MRPS28: variants seen among roughly 807,000 people sequenced by gnomAD.
The protein encoded by MRPS28 is mitochondrial ribosomal protein S28.
MRPS28 carries 7 observed loss-of-function variants against 10.8 expected under a neutral mutation model. That is an observed-to-expected ratio of 0.65 (90% CI 0.37 to 1.22). The LOEUF (loss-of-function observed/expected upper bound fraction) is 1.22, where lower values mean the gene tolerates loss of function less well. Among genes scored for constraint, MRPS28 ranks in the 50% most tolerant of loss-of-function variants. MRPS28 has a pLI of 0.02. For synonymous variants in MRPS28, 121 were observed against 93.3 expected (o/e 1.30, Z -1.71); for missense variants, 265 against 232.9 (o/e 1.14, Z -0.90).
chr8:80,018,235 G>T (rs1261800614), intron 1 of MRPS28, among the ~76,000 whole-genome samples: 3 of 130,384 alleles, frequency 2.3e-5, no homozygotes, highest in African/African-American at 5.9e-5. Context: ...GGCAGAGCTC[G>T]CAGTGAGCCG....
intron 2 of MRPS28, among the ~76,000 whole-genome samples, chr8:79,958,993 T>C (rs931548908): frequency 6.6e-6 from 1 of 152,124 alleles, no homozygotes; most frequent in Non-Finnish European, 1.5e-5. Context: ...AGATTATCTA[T>C]AAATTAGTGG....
chr8:79,943,944 G>C (rs1806835297), intron 2 of MRPS28, among the ~76,000 whole-genome samples: 1 of 152,118 alleles, frequency 6.6e-6, no homozygotes, highest in African/African-American at 2.4e-5. Context: ...ATAGGGAATA[G>C]TTCATTTTAG....
chr8:80,022,530 A>G lies in MRPS28; in HGVS notation c.213+7506T>C, dbSNP rs554828888. Among the ~76,000 whole-genome samples the G allele has an allele frequency of 9.8e-5, 15 of 152,346 alleles. No homozygotes were observed. The East Asian group carries it at 2.9e-3, about 29-fold the overall frequency. ...TGGCCAGAGGCCAGGCAACTTGTTC[A>G]GCTGCCAACTCCTAGACTGAGTCCA... On this transcript the variant is annotated intron_variant, in intron 1 of 2. Coordinates refer to ENST00000276585, the MANE Select transcript of MRPS28 (RefSeq NM_014018.3).
At position 80,030,259 on chromosome 8, in the gene MRPS28, C is replaced by T. The variant is rs1260626926; in HGVS notation, c.-11G>A. ...ACACAGCGCCGCCATGACTTCTTTACCTCTGACCTTTGACCTCCCCTCCGC... is the reference window on the plus strand; with the variant it reads ...ACACAGCGCCGCCATGACTTCTTTATCTCTGACCTTTGACCTCCCCTCCGC... On this transcript the variant is annotated 5_prime_UTR_variant, in exon 1 of 3. Coordinates refer to ENST00000276585, the MANE Select transcript of MRPS28 (RefSeq NM_014018.3). 1.2e-6 allele frequency: 2 copies of T among 1,614,036 alleles called. No homozygotes were observed. Among genetic ancestry groups the T allele is most frequent in the Non-Finnish European group, 8.5e-7 (1 of 1,179,974 alleles).
chr8:80,018,165 C>T (rs144146536), intron 1 of MRPS28, among the ~76,000 whole-genome samples: 1,636 of 151,822 alleles, frequency 0.011, 36 homozygotes, highest in African/African-American at 0.037. Context: ...TGGTGGCAGG[C>T]GCCTGTAGTC....
intron 1 of MRPS28, among the ~76,000 whole-genome samples, chr8:80,003,564 C>T (rs1049341608): frequency 6.6e-6 from 1 of 152,162 alleles, no homozygotes; most frequent in East Asian, 1.9e-4. Flanking sequence ...CAGCTCCCAG[C>T]GTGAGTGACC....
intron 2 of MRPS28, among the ~76,000 whole-genome samples, chr8:80,002,258 A>G (rs1313521747): frequency 1.3e-5 from 2 of 152,166 alleles, no homozygotes; most frequent in Non-Finnish European, 2.9e-5. Context: ...TATCTAAAAT[A>G]CCATTGATTA....
At chr8:79,983,723 A>G (rs1215257221) in intron 2 of MRPS28, among the ~76,000 whole-genome samples, 2 of 152,168 alleles carry the variant, frequency 1.3e-5, no homozygotes, top group African/African-American at 4.8e-5. Flanking sequence ...AAGTTTAGAG[A>G]AAAAAGAATA....
At chr8:80,005,641 C>G (rs1808817679) in intron 1 of MRPS28, among the ~76,000 whole-genome samples, 1 of 152,136 alleles carries the variant, frequency 6.6e-6, no homozygotes, top group South Asian at 2.1e-4. Flanking sequence ...ACAATACTAA[C>G]CTTAAATGTA....
intron 2 of MRPS28, among the ~76,000 whole-genome samples, chr8:79,959,983 C>T (rs1807332370): frequency 6.6e-6 from 1 of 152,050 alleles, no homozygotes; most frequent in African/African-American, 2.4e-5. Flanking sequence ...CGGATTATTC[C>T]CAAACCTCAA....
At chr8:80,020,915 T>C (rs1009333669) in intron 1 of MRPS28, among the ~76,000 whole-genome samples, 2 of 152,052 alleles carry the variant, frequency 1.3e-5, no homozygotes, top group African/African-American at 4.8e-5. Flanking sequence ...TTTTTTTAAC[T>C]TCACCTTCAA....
intron 2 of MRPS28, among the ~76,000 whole-genome samples, chr8:79,989,911 T>G (rs1324590513): frequency 6.6e-6 from 1 of 152,138 alleles, no homozygotes; most frequent in Admixed American, 6.5e-5. Flanking sequence ...CCCAGCAGTT[T>G]GGGAGGCTGA....
intron 1 of MRPS28, among the ~76,000 whole-genome samples, chr8:80,024,504 A>G (rs1809450611): frequency 6.6e-6 from 1 of 152,136 alleles, no homozygotes; most frequent in South Asian, 2.1e-4. Context: ...GCTGCAGGGG[A>G]AAGTTCTTTG....
chr8:79,994,386 T>C (rs527279152), intron 2 of MRPS28, among the ~76,000 whole-genome samples: 4 of 152,304 alleles, frequency 2.6e-5, no homozygotes, highest in African/African-American at 9.6e-5. Flanking sequence ...ATTTTAATTT[T>C]TGTTTTTAAA....
chr8:80,013,642 A>G (rs1349910025), intron 1 of MRPS28, among the ~76,000 whole-genome samples: 1 of 150,950 alleles, frequency 6.6e-6, no homozygotes, highest in East Asian at 1.9e-4. Flanking sequence ...CTCAAAAAAA[A>G]AAAAAAAAAA....
chr8:79,954,006 A>G (rs546299121), intron 2 of MRPS28, among the ~76,000 whole-genome samples: 2 of 152,338 alleles, frequency 1.3e-5, no homozygotes, highest in East Asian at 1.9e-4. Flanking sequence ...CAGAATGGCT[A>G]TATTTTTTTA....
chr8:79,988,703 A>C (rs1468715383), intron 2 of MRPS28, among the ~76,000 whole-genome samples: 1 of 152,236 alleles, frequency 6.6e-6, no homozygotes, highest in Non-Finnish European at 1.5e-5. Context: ...TAAAACAGAC[A>C]GCTCCAAAAT....
intron 2 of MRPS28, among the ~76,000 whole-genome samples, chr8:79,989,484 T>G (rs1489378475): frequency 1.3e-5 from 2 of 152,146 alleles, no homozygotes; most frequent in African/African-American, 4.8e-5. Context: ...TGAAAGAATT[T>G]TAGAGTCCTG....
chr8:79,981,549 TAAAA>T (rs1200722258), intron 2 of MRPS28, among the ~76,000 whole-genome samples: 2 of 152,032 alleles, frequency 1.3e-5, no homozygotes, highest in Non-Finnish European at 2.9e-5. Context: ...TTCTAGTAAA[TAAAA>T]AAAGTAAAAT....
Sources: allele counts gnomAD v4.1 joint callset (sites outside exome capture counted in the v4.1 genomes callset), GRCh38; gene constraint gnomAD v4.1.1; transcripts MANE v1.5; gene names NCBI Gene and HGNC (gene_info 2026-07-23, HGNC 2026-07-21).